ROBO2: variants seen among roughly 807,000 people sequenced by gnomAD.
ROBO2 encodes roundabout guidance receptor 2, also known as roundabout homolog 2.
In ROBO2, 53 loss-of-function variants were observed where a neutral mutation model predicts 160.8. That is an observed-to-expected ratio of 0.33 (90% CI 0.26 to 0.41). The LOEUF is 0.41. Ranked by LOEUF, ROBO2 falls within the 10% of genes least tolerant of loss-of-function variation. ROBO2 has a pLI of 1.00. For synonymous variants in ROBO2, 664 were observed against 611.7 expected (o/e 1.09, Z -1.26); for missense variants, 1,577 against 1,722.4 (o/e 0.92, Z 1.49).
chr3:76,087,282 C>T (rs2069052140), intron 2 of ROBO2, among the ~76,000 whole-genome samples: 1 of 151,778 alleles, frequency 6.6e-6, no homozygotes, highest in South Asian at 2.1e-4. Context: ...TTTTAAAATA[C>T]CTTAATTATA....
intron 1 of ROBO2, among the ~76,000 whole-genome samples, chr3:77,081,787 G>T (rs1559966888): frequency 6.6e-6 from 1 of 152,198 alleles, no homozygotes; most frequent in African/African-American, 2.4e-5. Context: ...TGTAGACACA[G>T]ATACATATGG....
chr3:77,025,852 T>C (rs2062930879), intron 2 of ROBO2, among the ~76,000 whole-genome samples: 1 of 152,212 alleles, frequency 6.6e-6, no homozygotes, highest in South Asian at 2.1e-4. Flanking sequence ...TTGCACCATA[T>C]TGTTTCTTAA....
At chr3:77,589,875 C>A (rs147958640) in intron 17 of ROBO2, among the ~76,000 whole-genome samples, 10 of 152,098 alleles carry the variant, frequency 6.6e-5, no homozygotes, top group African/African-American at 2.4e-4. Flanking sequence ...CATTATTTTA[C>A]AAATATGTAA....
intron 2 of ROBO2, among the ~76,000 whole-genome samples, chr3:76,639,157 C>CATGTATACATATGTGTATAT (rs2090497589): frequency 6.6e-6 from 1 of 151,702 alleles, no homozygotes; most frequent in Admixed American, 6.6e-5. Flanking sequence ...TACATATGTG[C>CATGTATACATATGTGTATAT]ATGTATACAT....
intron 2 of ROBO2, among the ~76,000 whole-genome samples, chr3:76,886,260 ATAT>A (rs763340504): frequency 3.5e-4 from 52 of 148,834 alleles, no homozygotes; most frequent in African/African-American, 1.2e-3. Flanking sequence ...TTCCAAAAAA[ATAT>A]ATATATATAT....
At chr3:75,910,877 G>A (rs1436948424) in intron 1 of ROBO2, among the ~76,000 whole-genome samples, 3 of 151,580 alleles carry the variant, frequency 2.0e-5, no homozygotes, top group Non-Finnish European at 2.9e-5. Flanking sequence ...TGGATTATTC[G>A]GACTTGTTGA....
At chr3:76,871,478 C>T (rs1441858359) in intron 2 of ROBO2, among the ~76,000 whole-genome samples, 1 of 146,914 alleles carries the variant, frequency 6.8e-6, no homozygotes, top group African/African-American at 2.5e-5. Flanking sequence ...GGCGTGAACC[C>T]GGGAGGCGGA....
intron 2 of ROBO2, among the ~76,000 whole-genome samples, chr3:76,492,644 C>T (rs2107540725): frequency 6.6e-6 from 1 of 151,984 alleles, no homozygotes; most frequent in South Asian, 2.1e-4. Flanking sequence ...CTTCTCAATG[C>T]CTTACTGTTT....
At chr3:77,187,409 G>C (rs188403205) in intron 2 of ROBO2, among the ~76,000 whole-genome samples, 1 of 152,026 alleles carries the variant, frequency 6.6e-6, no homozygotes, top group Admixed American at 6.6e-5. Context: ...TTTGAATACA[G>C]TTCAAAATAA....
intron 2 of ROBO2, among the ~76,000 whole-genome samples, chr3:76,321,910 A>C (rs2072560004): frequency 6.6e-6 from 1 of 151,992 alleles, no homozygotes; most frequent in Non-Finnish European, 1.5e-5. Context: ...TTACATTTGC[A>C]AGATTTACTT....
chr3:77,447,467 A>G (rs1250203422), intron 2 of ROBO2, among the ~76,000 whole-genome samples: 1 of 152,140 alleles, frequency 6.6e-6, no homozygotes, highest in Non-Finnish European at 1.5e-5. Flanking sequence ...AACTTTTTAT[A>G]TACTAAGGCT....
At chr3:76,725,641 T>A (rs118108398) in intron 2 of ROBO2, among the ~76,000 whole-genome samples, 1 of 152,320 alleles carries the variant, frequency 6.6e-6, no homozygotes, top group East Asian at 1.9e-4. Flanking sequence ...GTAAGAACTC[T>A]ATGGGAACCA....
exon 26 of ROBO2, chr3:77,648,032 T>C (rs1214573359): frequency 6.6e-6 from 1 of 152,164 alleles, no homozygotes; most frequent in Non-Finnish European, 1.5e-5. Flanking sequence ...GAAAAAGAAT[T>C]CTGAGACACA....
Position 77,291,349 on chromosome 3 carries a change from A to T in ROBO2, c.389-186065A>T, listed in dbSNP as rs191370803. 3.9e-5 allele frequency among the ~76,000 whole-genome samples: 6 copies of T among 152,062 alleles called. No homozygotes were observed. The East Asian group carries it at 7.8e-4, about 20-fold the overall frequency. On this transcript the variant is annotated intron_variant, in intron 2 of 25. Transcript: ENST00000461745. Reference sequence around the variant, plus strand: ...CTAGATCACCCCAGACGTAAAGTAAAATTGACGGTTAAATGGGTAAGCTGA... The same window carrying T: ...CTAGATCACCCCAGACGTAAAGTAATATTGACGGTTAAATGGGTAAGCTGA...
In ROBO2 at chr3:77,543,352, A is replaced by G. The variant is rs546040921; in HGVS notation, c.935-2986A>G. 3.2e-4 allele frequency among the ~76,000 whole-genome samples: 48 copies of G among 152,338 alleles called. No individual in the cohort carries two copies. In the East Asian group the frequency reaches 6.2e-3, roughly 20 times the overall value. On this transcript the variant is annotated intron_variant, in intron 6 of 25. Coordinates refer to ENST00000461745, the Ensembl canonical transcript of ROBO2. ...CTTCCCATCTCCTGTACCAACCAGA[A>G]TGTATCATCATTTTTCGTCAATCAG...
chr3:75,943,680 A>G (rs1576241518), intron 2 of ROBO2, among the ~76,000 whole-genome samples: 1 of 151,892 alleles, frequency 6.6e-6, no homozygotes, highest in Non-Finnish European at 1.5e-5. Flanking sequence ...ATAAACTAAG[A>G]TATTCTTTTT....
intron 2 of ROBO2, among the ~76,000 whole-genome samples, chr3:76,484,373 TAAG>T (rs1387739421): frequency 6.6e-6 from 1 of 152,018 alleles, no homozygotes; most frequent in East Asian, 1.9e-4. Flanking sequence ...ATTTAAAAAA[TAAG>T]AAAAAAACAC....
At chr3:76,109,668 A>T (rs532753246) in intron 2 of ROBO2, among the ~76,000 whole-genome samples, 4 of 151,874 alleles carry the variant, frequency 2.6e-5, no homozygotes, top group South Asian at 2.1e-4. Flanking sequence ...TTTTTCAGAA[A>T]TTTTTTTATT....
chr3:75,916,963 A>C (rs1328199775), intron 1 of ROBO2, among the ~76,000 whole-genome samples: 2 of 140,332 alleles, frequency 1.4e-5, no homozygotes, highest in Non-Finnish European at 3.1e-5. Context: ...GTACATAATG[A>C]AAATGAGTGC....
Sources: gnomAD v4.1 joint callset for allele counts (sites outside exome capture counted in the v4.1 genomes callset) on GRCh38, gnomAD v4.1.1 for gene constraint, MANE v1.5 for transcripts, NCBI Gene and HGNC (gene_info 2026-07-23, HGNC 2026-07-21) for gene names.